The following XIRP2 variants were observed in gnomAD, a reference collection of about 807,000 sequenced individuals.
XIRP2 encodes the protein xin actin binding repeat containing 2, also known as xin actin-binding repeat-containing protein 2.
XIRP2 carries 236 observed loss-of-function variants against 277.0 expected under a neutral mutation model. The observed-to-expected ratio is 0.85, with a 90% CI of 0.77 to 0.95. The LOEUF (loss-of-function observed/expected upper bound fraction) is 0.95. XIRP2 is among the 40% of genes least tolerant of loss of function. The pLI, the probability that XIRP2 is intolerant of heterozygous loss-of-function variation, is 0.00. For synonymous variants in XIRP2, 1,490 were observed against 1,416.5 expected, an observed-to-expected ratio of 1.05 and a Z score of -1.17; for missense variants, 4,640 against 4,157.5, an observed-to-expected ratio of 1.12 and a Z score of -3.19.
intron 2 of XIRP2, among the ~76,000 whole-genome samples, chr2:167,073,686 G>T (rs1689492531): frequency 6.6e-6 from 1 of 152,098 alleles, no homozygotes; most frequent in Non-Finnish European, 1.5e-5. Flanking sequence ...ATTTAGAAAG[G>T]ATTTCCTTTG....
intron 3 of XIRP2, among the ~76,000 whole-genome samples, chr2:167,171,210 A>G (rs977379044): frequency 1.3e-5 from 2 of 151,948 alleles, no homozygotes; most frequent in African/African-American, 4.8e-5. Context: ...TCTTTATTTT[A>G]ATAGATGCAT....
chr2:167,123,410 G>A (rs1484059791), intron 2 of XIRP2, among the ~76,000 whole-genome samples: 1 of 152,162 alleles, frequency 6.6e-6, no homozygotes, highest in African/African-American at 2.4e-5. Context: ...TCTTATGCCT[G>A]TAAGGATAAA....
In XIRP2 at chr2:167,250,523, A is replaced by G. The variant is rs2105447785; in HGVS notation, c.9131A>G (p.Asn3044Ser). The stretch of plus-strand genomic sequence containing the variant: ...TCCTCCAAAACAGGAAAACCGGGAA[A>G]TAAACCCACTAGTCTTGATGAAACA... Reference protein sequence around the residue: ...MMSSKTGKPGNKPTSLDETSS... With the variant: ...MMSSKTGKPGSKPTSLDETSS... Residue 3044 changes from asparagine to serine, a missense_variant, in exon 9 of 11, where the codon AAT becomes AGT. Coordinates refer to ENST00000409195, the MANE Select transcript of XIRP2 (RefSeq NM_152381.6). The G allele has an allele frequency of 6.2e-7, 1 of 1,613,658 alleles. No homozygotes were observed. The highest frequency in any genetic ancestry group is 1.7e-5 in the Admixed American group (1 of 59,976).
chr2:167,246,946 G>A lies in XIRP2; in HGVS notation c.5554G>A (p.Val1852Ile), dbSNP rs975873936. 3.1e-6 allele frequency: 5 copies of A among 1,613,350 alleles called. No individual in the cohort carries two copies. The highest frequency in any genetic ancestry group is 4.2e-6 in the Non-Finnish European group (5 of 1,179,790). ...TSTLNSLSQA[V>I]NQKTVTKTEE... ...AACCCTAAATTCCCTCAGCCAGGCT[G>A]TAAATCAGAAAACAGTGACGAAAAC... Residue 1852 changes from valine (V) to isoleucine (I), a missense_variant, in exon 9 of 11, where the codon GTA becomes ATA. Val to Ile is a conservative substitution (Grantham distance 29). Coordinates refer to ENST00000409195, the MANE Select transcript of XIRP2 (RefSeq NM_152381.6).
At chr2:167,251,975 A>G (rs752026648) in intron 9 of XIRP2, 28 bp downstream of exon 9, 16 of 1,521,280 alleles carry the variant, frequency 1.1e-5, no homozygotes, top group Non-Finnish European at 1.4e-5. Context: ...GTGTTAAAGA[A>G]GATTAACCAT....
At chr2:167,009,091 T>G (rs1263470695) in intron 2 of XIRP2, among the ~76,000 whole-genome samples, 2 of 151,740 alleles carry the variant, frequency 1.3e-5, no homozygotes, top group African/African-American at 4.8e-5. Flanking sequence ...ATTTTAAGTT[T>G]TAGGGTACAT....
chr2:167,211,405 A>G (rs942264465), intron 4 of XIRP2, among the ~76,000 whole-genome samples: 3 of 152,078 alleles, frequency 2.0e-5, no homozygotes, highest in Admixed American at 6.5e-5. Context: ...CTGAACTACT[A>G]TCTTAACTTC....
chr2:167,141,119 TAAC>T (rs1440878080), intron 3 of XIRP2, among the ~76,000 whole-genome samples: 3 of 152,150 alleles, frequency 2.0e-5, no homozygotes, highest in Non-Finnish European at 2.9e-5. Flanking sequence ...TGAAGAAAGA[TAAC>T]AACAAATTTA....
In XIRP2 at chr2:167,001,909, C is replaced by T. The variant is rs557390394; in HGVS notation, c.408+98019C>T. Among the ~76,000 whole-genome samples, 12 of 152,004 alleles carry T rather than the reference C, an allele frequency of 7.9e-5. No individual in the cohort carries two copies. The South Asian group carries it at 2.5e-3, about 32-fold the overall frequency. On this transcript the variant is annotated intron_variant, in intron 2 of 10. Transcript: ENST00000409195. Reference sequence around the variant, plus strand: ...GTAGCACTTTGACATTTTTATTTTCCTCATTTAGCTTTTTATTTCAACAAA... The same window carrying T: ...GTAGCACTTTGACATTTTTATTTTCTTCATTTAGCTTTTTATTTCAACAAA...
At chr2:167,205,449 G>T (rs905470554) in intron 3 of XIRP2, among the ~76,000 whole-genome samples, 2 of 152,052 alleles carry the variant, frequency 1.3e-5, no homozygotes, top group African/African-American at 4.8e-5. Flanking sequence ...GTCACCCGCA[G>T]CTATTATTTT....
intron 2 of XIRP2, among the ~76,000 whole-genome samples, chr2:166,918,086 A>G (rs1369371431): frequency 6.6e-6 from 1 of 152,330 alleles, no homozygotes; most frequent in African/African-American, 2.4e-5. Context: ...TTCGCAGTAC[A>G]TCATATCTGG....
intron 2 of XIRP2, among the ~76,000 whole-genome samples, chr2:166,975,768 G>A (rs554339020): frequency 4.2e-4 from 64 of 151,138 alleles, no homozygotes; most frequent in African/African-American, 7.7e-4. Context: ...TACTAAAAAT[G>A]CAAAAAAATT....
chr2:167,119,198 A>T (rs1690980772), intron 2 of XIRP2, among the ~76,000 whole-genome samples: 1 of 152,144 alleles, frequency 6.6e-6, no homozygotes, highest in African/African-American at 2.4e-5. Context: ...AAAGAAGAAA[A>T]ATAGGAAGCT....
At chr2:167,234,339 G>A (rs1329828435) in intron 5 of XIRP2, among the ~76,000 whole-genome samples, 1 of 150,772 alleles carries the variant, frequency 6.6e-6, no homozygotes, top group African/African-American at 2.4e-5. Context: ...TATATATTTG[G>A]CATTCTTGTT....
intron 5 of XIRP2, among the ~76,000 whole-genome samples, chr2:167,218,550 A>G (rs1389564508): frequency 6.6e-6 from 1 of 152,196 alleles, no homozygotes; most frequent in African/African-American, 2.4e-5. Context: ...CTAATGTTTC[A>G]GACATAAATG....
At chr2:167,063,633 T>A (rs1689226018) in intron 2 of XIRP2, among the ~76,000 whole-genome samples, 1 of 151,910 alleles carries the variant, frequency 6.6e-6, no homozygotes, top group South Asian at 2.1e-4. Flanking sequence ...ACATTTAAGA[T>A]CATTTTATCT....
Position 167,248,690 on chromosome 2 carries a change from T to C in XIRP2, c.7298T>C (p.Ile2433Thr), listed in dbSNP as rs772562942. 1.2e-6 allele frequency: 2 copies of C among 1,613,608 alleles called. No individual in the cohort carries two copies. Among genetic ancestry groups the C allele is most frequent in the Non-Finnish European group, 1.7e-6 (2 of 1,179,782 alleles). ...TLPKPKLPKH[I>T]KDNKNDFSPK... Reference sequence around the variant, plus strand: ...CCCAAACCCAAACTTCCCAAGCATATAAAAGATAATAAGAACGATTTTTCC... The same window carrying C: ...CCCAAACCCAAACTTCCCAAGCATACAAAAGATAATAAGAACGATTTTTCC... The change falls in exon 9 of 11, where the codon ATA becomes ACA. Residue 2433 changes from isoleucine (I) to threonine (T), a missense_variant. Coordinates refer to ENST00000409195, the MANE Select transcript of XIRP2 (RefSeq NM_152381.6).
intron 5 of XIRP2, among the ~76,000 whole-genome samples, chr2:167,226,318 G>A (rs755704875): frequency 2.0e-5 from 3 of 152,070 alleles, no homozygotes; most frequent in African/African-American, 4.8e-5. Flanking sequence ...TTTGCAGCTG[G>A]TTTTCTCCTA....
chr2:166,932,126 G>T lies in XIRP2; in HGVS notation c.408+28236G>T, dbSNP rs562056205. Among the ~76,000 whole-genome samples the T allele has an allele frequency of 2.0e-5, 3 of 151,312 alleles. No individual in the cohort carries two copies. The East Asian group carries it at 5.8e-4, about 29-fold the overall frequency. On this transcript the variant is annotated intron_variant, in intron 2 of 10. Transcript: ENST00000409195. ...TTGGTTTTTGTATTTTTCTGGATTT[G>T]TTGGGTATATAGATGCTAGATATGA...
Sources: gnomAD v4.1 joint callset for allele counts (sites outside exome capture counted in the v4.1 genomes callset) on GRCh38, gnomAD v4.1.1 for gene constraint, MANE v1.5 for transcripts, NCBI Gene and HGNC (gene_info 2026-07-23, HGNC 2026-07-21) for gene names.